Variants in CADPS2 observed in about 807,000 individuals in gnomAD.
CADPS2 encodes calcium-dependent secretion activator 2.
A neutral mutation model predicts 172.5 loss-of-function variants in CADPS2; 93 were observed. The ratio of observed to expected loss-of-function variants is 0.54; its 90% CI spans 0.46 to 0.64. The LOEUF is 0.64. Ranked by LOEUF, CADPS2 falls within the 30% of genes least tolerant of loss-of-function variation. CADPS2 has a pLI of 0.00. For missense variants in CADPS2, 1,420 were observed against 1,565.9 expected, an observed-to-expected ratio of 0.91 and a Z score of 1.57; for synonymous variants, 546 against 555.2, an observed-to-expected ratio of 0.98 and a Z score of 0.23.
At chr7:122,681,926 TTTGC>T (rs2083094347) in intron 2 of CADPS2, among the ~76,000 whole-genome samples, 1 of 151,950 alleles carries the variant, frequency 6.6e-6, no homozygotes, top group Non-Finnish European at 1.5e-5. Flanking sequence ...TTTTTTTTTG[TTTGC>T]TTGTTTGGAA....
chr7:122,595,150 T>C (rs546384973), intron 6 of CADPS2, among the ~76,000 whole-genome samples: 14 of 149,504 alleles, frequency 9.4e-5, no homozygotes, highest in African/African-American at 3.5e-4. Context: ...GTTAGATGTG[T>C]TATATGAACC....
chr7:122,405,458 T>A (rs2046530330), intron 20 of CADPS2, among the ~76,000 whole-genome samples: 1 of 152,170 alleles, frequency 6.6e-6, no homozygotes, highest in African/African-American at 2.4e-5. Context: ...AGGTCAGGAT[T>A]TTGAGACCAG....
intron 2 of CADPS2, among the ~76,000 whole-genome samples, chr7:122,731,901 T>C (rs1459814352): frequency 6.6e-6 from 1 of 151,786 alleles, no homozygotes; most frequent in Non-Finnish European, 1.5e-5. Flanking sequence ...ATGCCAACTG[T>C]GTGTGTGAGA....
chr7:122,392,350 C>G (rs1446363353), intron 22 of CADPS2, among the ~76,000 whole-genome samples: 1 of 148,412 alleles, frequency 6.7e-6, no homozygotes, highest in Non-Finnish European at 1.5e-5. Context: ...GCCAATAGTA[C>G]TAATAATTTA....
At chr7:122,760,050 CAATG>C (rs1247628396) in intron 1 of CADPS2, among the ~76,000 whole-genome samples, 1 of 151,380 alleles carries the variant, frequency 6.6e-6, no homozygotes, top group Non-Finnish European at 1.5e-5. Context: ...GCTTATAGTA[CAATG>C]AATAATTTTA....
chr7:122,588,622 G>C (rs757283207), intron 6 of CADPS2, among the ~76,000 whole-genome samples: 20 of 151,922 alleles, frequency 1.3e-4, no homozygotes, highest in Non-Finnish European at 2.8e-4. Flanking sequence ...CAAACATTCA[G>C]TATTTATTTG....
chr7:122,732,245 G>T (rs898121893), intron 2 of CADPS2, among the ~76,000 whole-genome samples: 1 of 151,266 alleles, frequency 6.6e-6, no homozygotes, highest in African/African-American at 2.4e-5. Context: ...TGGAGAAAAA[G>T]AAATATATCT....
intron 2 of CADPS2, among the ~76,000 whole-genome samples, chr7:122,721,360 C>T (rs1476933231): frequency 6.6e-6 from 1 of 151,704 alleles, no homozygotes; most frequent in Non-Finnish European, 1.5e-5. Flanking sequence ...AGGGGATATC[C>T]CCACCGATCC....
rs368135986 is a variant in CADPS2 at position 122,428,594 on chromosome 7, A to G, written c.2476+9747T>C. ...GCGATACTCCTGCTTCAGCCTCCCG[A>G]GTAGCTGGGACTACAGCCATGCACC... is the stretch of plus-strand genomic sequence containing the variant. On this transcript the variant is annotated intron_variant, in intron 17 of 29. Coordinates refer to ENST00000449022, the MANE Select transcript of CADPS2 (RefSeq NM_017954.11). Among the ~76,000 whole-genome samples the G allele has an allele frequency of 3.8e-4, 58 of 151,716 alleles. No individual in the cohort carries two copies. The East Asian group carries it at 0.011, about 29-fold the overall frequency.
chr7:122,393,530 G>C lies in CADPS2; in HGVS notation c.2799C>G (p.Pro933=), dbSNP rs1034365989. ...TGAGATCCACATAGCGGACAACCAA[G>C]GGTACAAAGATTTCTTGCAAGTGTT... ...FHKHLQEIFV[P]LVVRYVDLME... is the part of the protein sequence containing the mutation. The change falls in exon 21 of 30, where the codon CCC becomes CCG. Residue 933 remains proline (P), a synonymous_variant. Transcript: ENST00000449022. The C allele has an allele frequency of 6.2e-7, 1 of 1,613,864 alleles. No individual in the cohort carries two copies. Among genetic ancestry groups the C allele is most frequent in the Non-Finnish European group, 8.5e-7 (1 of 1,179,832 alleles).
intron 1 of CADPS2, among the ~76,000 whole-genome samples, chr7:122,839,492 A>T (rs1251936340): frequency 6.6e-6 from 1 of 152,226 alleles, no homozygotes; most frequent in Non-Finnish European, 1.5e-5. Flanking sequence ...GTGAACAGAC[A>T]ACCTACAGAA....
intron 2 of CADPS2, chr7:122,698,686 G>A: frequency 1.2e-6 from 2 of 1,613,754 alleles, no homozygotes; most frequent in Non-Finnish European, 1.7e-6. Context: ...TTTTCCCTCT[G>A]GTGGCACTAT....
intron 1 of CADPS2, among the ~76,000 whole-genome samples, chr7:122,845,936 A>C (rs777258311): frequency 6.6e-6 from 1 of 152,194 alleles, no homozygotes; most frequent in Non-Finnish European, 1.5e-5. Context: ...GCTCGCCAAC[A>C]CGGTGGTCCC....
chr7:122,619,552 AG>A (rs1193003343), intron 5 of CADPS2, among the ~76,000 whole-genome samples: 1 of 152,096 alleles, frequency 6.6e-6, no homozygotes, highest in Admixed American at 6.5e-5. Flanking sequence ...ACTTGAACCC[AG>A]GAAGTGGAGG....
intron 7 of CADPS2, among the ~76,000 whole-genome samples, chr7:122,567,146 CTTAA>C (rs781123059): frequency 8.7e-4 from 131 of 150,788 alleles, no homozygotes; most frequent in Non-Finnish European, 8.9e-4. Flanking sequence ...AGTTTTGTTT[CTTAA>C]TTAATTATAG....
intron 1 of CADPS2, among the ~76,000 whole-genome samples, chr7:122,847,014 CAT>C (rs753352874): frequency 6.6e-6 from 1 of 152,206 alleles, no homozygotes; most frequent in Non-Finnish European, 1.5e-5. Context: ...TGACTTTACA[CAT>C]GTTAGAGTTT....
chr7:122,828,557 T>C (rs1805607767), intron 1 of CADPS2, among the ~76,000 whole-genome samples: 1 of 152,220 alleles, frequency 6.6e-6, no homozygotes, highest in Admixed American at 6.5e-5. Flanking sequence ...TTTGTTTCAA[T>C]AAATCAAATA....
chr7:122,590,226 T>G (rs1042881646), intron 6 of CADPS2, among the ~76,000 whole-genome samples: 1 of 151,758 alleles, frequency 6.6e-6, no homozygotes, highest in African/African-American at 2.4e-5. Context: ...CAAAACCTAC[T>G]AAAAAATAAT....
intron 1 of CADPS2, among the ~76,000 whole-genome samples, chr7:122,876,027 A>G (rs1177012183): frequency 1.3e-5 from 2 of 152,238 alleles, no homozygotes; most frequent in Admixed American, 1.3e-4. Flanking sequence ...ACTTAAAAAA[A>G]AAATGGAATC....
Sources: allele counts gnomAD v4.1 joint callset (sites outside exome capture counted in the v4.1 genomes callset), GRCh38; gene constraint gnomAD v4.1.1; transcripts MANE v1.5; gene names NCBI Gene and HGNC (gene_info 2026-07-23, HGNC 2026-07-21).